The following MTMR7 variants were observed in gnomAD, a reference collection of about 807,000 sequenced individuals.
MTMR7 encodes myotubularin related protein 7, also known as phosphatidylinositol-3-phosphate phosphatase MTMR7.
In MTMR7, 76 loss-of-function variants were observed where a neutral mutation model predicts 81.2. That is an observed-to-expected ratio of 0.94 (90% CI 0.78 to 1.13). The LOEUF (loss-of-function observed/expected upper bound fraction) is 1.13. Ranked by LOEUF, MTMR7 falls within the 50% of genes most tolerant of loss-of-function variation. The pLI is 0.00. For missense variants in MTMR7, 1,044 were observed against 820.0 expected (o/e 1.27, Z -3.34); for synonymous variants, 372 against 289.8 (o/e 1.28, Z -2.88).
chr8:17,350,234 C>T (rs1020388470), intron 4 of MTMR7, among the ~76,000 whole-genome samples: 1 of 152,274 alleles, frequency 6.6e-6, no homozygotes, highest in African/African-American at 2.4e-5. Context: ...TCCTCAAGTA[C>T]GTCTAACAAC....
At chr8:17,305,389 C>T (rs1044147695) in intron 11 of MTMR7, among the ~76,000 whole-genome samples, 3 of 152,076 alleles carry the variant, frequency 2.0e-5, no homozygotes, top group African/African-American at 7.2e-5. Context: ...TTTATATTTG[C>T]TTTCCCAATT....
chr8:17,310,912 T>C (rs532907451), intron 9 of MTMR7, among the ~76,000 whole-genome samples: 5 of 152,290 alleles, frequency 3.3e-5, no homozygotes, highest in African/African-American at 9.6e-5. Flanking sequence ...CAGGCAACTA[T>C]ATACAATACT....
intron 7 of MTMR7, among the ~76,000 whole-genome samples, chr8:17,315,676 T>A (rs1438203057): frequency 1.3e-5 from 2 of 152,042 alleles, no homozygotes; most frequent in Non-Finnish European, 2.9e-5. Context: ...GACATCCAGA[T>A]TGGCCACAAC....
intron 1 of MTMR7, among the ~76,000 whole-genome samples, chr8:17,399,844 A>G (rs1045785156): frequency 2.0e-5 from 3 of 150,882 alleles, no homozygotes; most frequent in Non-Finnish European, 2.9e-5. Context: ...AACATAGTAC[A>G]TATATACAAT....
In MTMR7 at chr8:17,371,218, G is replaced by T. The variant is rs1481779425; in HGVS notation, c.148-19C>A. On this transcript the variant is annotated intron_variant, in intron 2 of 13. Transcript: ENST00000180173. ...GAAGAATCTAGAACCAAATGTTAAT[G>T]TGCATAAGCTAAGCACAAATAACTA... 6.2e-7 allele frequency: 1 copy of T among 1,611,916 alleles called. No individual in the cohort carries two copies. Among genetic ancestry groups the T allele is most frequent in the South Asian group, 1.1e-5 (1 of 90,758 alleles).
chr8:17,311,295 G>C (rs1817766308), intron 9 of MTMR7, among the ~76,000 whole-genome samples: 1 of 152,130 alleles, frequency 6.6e-6, no homozygotes, highest in Admixed American at 6.5e-5. Context: ...GACTTGAAAT[G>C]GTTTCAATAT....
intron 7 of MTMR7, among the ~76,000 whole-genome samples, chr8:17,323,021 C>A (rs1334381868): frequency 7.2e-6 from 1 of 138,098 alleles, no homozygotes; most frequent in Non-Finnish European, 1.5e-5. Flanking sequence ...GATCTCGGCT[C>A]ACTGTAACCT....
At position 17,376,948 on chromosome 8, in the gene MTMR7, A is replaced by C. The variant is rs1820608905; in HGVS notation, c.25-3708T>G. 2.0e-5 allele frequency among the ~76,000 whole-genome samples: 3 copies of C among 152,210 alleles called. No homozygotes were observed. In the South Asian group the frequency reaches 6.2e-4, roughly 32 times the overall value. ...TTTAAAGGAGTCTTGTGTTCCTGCT[A>C]TATGGCCAACTTGAAATCACGACTA... On this transcript the variant is annotated intron_variant, in intron 1 of 13. Coordinates refer to ENST00000180173, the MANE Select transcript of MTMR7 (RefSeq NM_004686.5).
chr8:17,397,111 C>A (rs559524978), intron 1 of MTMR7, among the ~76,000 whole-genome samples: 1 of 151,838 alleles, frequency 6.6e-6, no homozygotes, highest in Non-Finnish European at 1.5e-5. Flanking sequence ...GAGACTGAGG[C>A]GTGCTGGCTT....
Position 17,409,849 on chromosome 8 carries a change from C to G in MTMR7, c.24+3420G>C, listed in dbSNP as rs150995501. Among the ~76,000 whole-genome samples the G allele has an allele frequency of 3.2e-3, 484 of 152,282 alleles. 1 individual carries two copies. Among genetic ancestry groups the G allele is most frequent in the Middle Eastern group, 0.01 (3 of 294 alleles). On this transcript the variant is annotated intron_variant, in intron 1 of 13. Coordinates refer to ENST00000180173, the MANE Select transcript of MTMR7 (RefSeq NM_004686.5). ...GAGAACTAACGTCCCCCAGATGGAA[C>G]AGCAGTGCAAAAGTCCCGAGGCAGA...
At chr8:17,302,353 G>A (rs1817173171) in intron 12 of MTMR7, 73 bp from the exon 13 acceptor site, 2 of 1,502,410 alleles carry the variant, frequency 1.3e-6, no homozygotes, top group Admixed American at 2.2e-5. Context: ...AGTCTTCTAA[G>A]GTATCTATGA....
At chr8:17,390,569 G>C (rs911760862) in intron 1 of MTMR7, among the ~76,000 whole-genome samples, 1 of 151,998 alleles carries the variant, frequency 6.6e-6, no homozygotes, top group African/African-American at 2.4e-5. Flanking sequence ...GAGTGAGGAG[G>C]GCCAGCAGGA....
chr8:17,335,055 G>C (rs1306855929), intron 6 of MTMR7, among the ~76,000 whole-genome samples: 2 of 152,230 alleles, frequency 1.3e-5, no homozygotes, highest in South Asian at 4.1e-4. Flanking sequence ...GGCTCCACCT[G>C]TGGCAGCGGA....
At chr8:17,345,173 T>G (rs1261356165) in intron 5 of MTMR7, among the ~76,000 whole-genome samples, 1 of 152,214 alleles carries the variant, frequency 6.6e-6, no homozygotes, top group Admixed American at 6.5e-5. Flanking sequence ...ATGTGTTGCT[T>G]CGACATCTGG....
chr8:17,352,114 T>C (rs376706184), intron 4 of MTMR7, among the ~76,000 whole-genome samples: 12 of 152,282 alleles, frequency 7.9e-5, no homozygotes, highest in African/African-American at 2.9e-4. Flanking sequence ...ACATGGATTC[T>C]CCAGGGACCC....
At chr8:17,390,073 TAA>T (rs71215250) in intron 1 of MTMR7, among the ~76,000 whole-genome samples, 3,547 of 131,724 alleles carry the variant, frequency 0.027, 94 homozygotes, top group South Asian at 0.079. Context: ...GGGAATATGT[TAA>T]AAAAAAAAAA....
intron 10 of MTMR7, among the ~76,000 whole-genome samples, chr8:17,308,884 A>G (rs936512899): frequency 2.6e-5 from 4 of 152,262 alleles, no homozygotes; most frequent in African/African-American, 9.6e-5. Flanking sequence ...CAAATGCCTT[A>G]GGACTATAGA....
intron 6 of MTMR7, among the ~76,000 whole-genome samples, chr8:17,337,538 C>T (rs980800801): frequency 7.9e-5 from 12 of 152,154 alleles, no homozygotes; most frequent in African/African-American, 2.4e-4. Context: ...AGCACTAATA[C>T]GTGCCCTGAA....
At chr8:17,404,875 G>T (rs761742571) in intron 1 of MTMR7, among the ~76,000 whole-genome samples, 2 of 152,178 alleles carry the variant, frequency 1.3e-5, no homozygotes, top group Non-Finnish European at 2.9e-5. Context: ...GCCCAAGCTG[G>T]AGTGCAGCGG....
Sources: gnomAD v4.1 joint callset for allele counts (sites outside exome capture counted in the v4.1 genomes callset) on GRCh38, gnomAD v4.1.1 for gene constraint, MANE v1.5 for transcripts, NCBI Gene and HGNC (gene_info 2026-07-23, HGNC 2026-07-21) for gene names.